The following BARX2 variants were observed in gnomAD, a reference collection of about 807,000 sequenced individuals.
BARX2 encodes BARX homeobox 2.
A neutral mutation model predicts 25.5 loss-of-function variants in BARX2; 11 were observed. The observed-to-expected ratio is 0.43, with a 90% CI of 0.27 to 0.71. The LOEUF (loss-of-function observed/expected upper bound fraction) is 0.71, where lower values mean the gene tolerates loss of function less well. BARX2 is among the 30% of genes least tolerant of loss of function. The pLI is 0.19. For missense variants in BARX2, 360 were observed against 359.9 expected (o/e 1.00, Z 0.00); for synonymous variants, 137 against 149.5 (o/e 0.92, Z 0.61).
rs1171304909 is a variant in BARX2, at chr11:129,451,379, T to G, written c.817T>G (p.Ser273Ala). ...GCCCCAGGAGTTGCCAATACCCTCT[T>G]CGGAACCCCCACCATTAAGCTAAAG... ...DPPQELPIPS[S>A]EPPPLS Residue 273 changes from serine to alanine, a missense_variant, in exon 4 of 4, where the codon TCG (serine) becomes GCG (alanine). Physicochemically the swap from Ser to Ala is moderately conservative, Grantham distance 99. This residue lies in a region of BARX2 where 114 missense variants were observed against 109.4 expected (regional missense o/e 1.04). Transcript: ENST00000281437. The G allele has an allele frequency of 6.2e-7, 1 of 1,613,594 alleles. No homozygotes were observed. Among genetic ancestry groups the G allele is most frequent in the African/African-American group, 1.3e-5 (1 of 74,888 alleles).
intron 1 of BARX2, among the ~76,000 whole-genome samples, chr11:129,422,115 A>G (rs866446532): frequency 2.6e-5 from 4 of 151,988 alleles, no homozygotes; most frequent in Admixed American, 1.3e-4. Flanking sequence ...CCTGGCTTCA[A>G]ATGATCTCCT....
intron 1 of BARX2, among the ~76,000 whole-genome samples, chr11:129,378,563 C>CTTTTTTTTTTTTTTT (rs56804728): frequency 2.9e-4 from 32 of 111,190 alleles, no homozygotes; most frequent in African/African-American, 5.9e-4. Context: ...TTTTCTTTTT[C>CTTTTTTTTTTTTTTT]TTTTTTTTTT....
At chr11:129,417,766 T>C (rs551226690) in intron 1 of BARX2, among the ~76,000 whole-genome samples, 1 of 152,334 alleles carries the variant, frequency 6.6e-6, no homozygotes, top group South Asian at 2.1e-4. Context: ...TGTCAGATCA[T>C]AACAGTAGCC....
At chr11:129,424,856 A>C (rs1862046182) in intron 1 of BARX2, among the ~76,000 whole-genome samples, 1 of 152,188 alleles carries the variant, frequency 6.6e-6, no homozygotes, top group Non-Finnish European at 1.5e-5. Context: ...TATGAGGCAG[A>C]GGGATGGATG....
At chr11:129,391,803 T>C (rs1266228481) in intron 1 of BARX2, among the ~76,000 whole-genome samples, 1 of 152,194 alleles carries the variant, frequency 6.6e-6, no homozygotes, top group East Asian at 1.9e-4. Context: ...TTTGGGACTT[T>C]CTCTTTGCTG....
At chr11:129,438,368 G>T in intron 2 of BARX2, 1 of 148,280 alleles carries the variant, frequency 6.7e-6, no homozygotes, top group Non-Finnish European at 1.5e-5. Context: ...GTCTCATCTT[G>T]TTCTTTCAGA....
At chr11:129,431,902 G>T (rs1862133509) in intron 1 of BARX2, among the ~76,000 whole-genome samples, 1 of 151,654 alleles carries the variant, frequency 6.6e-6, no homozygotes, top group Non-Finnish European at 1.5e-5. Context: ...AATTTTATAG[G>T]TTTGTGTTTC....
chr11:129,402,896 T>G (rs11221702), intron 1 of BARX2, among the ~76,000 whole-genome samples: 55,976 of 152,112 alleles, frequency 0.37, 13,262 homozygotes, highest in African/African-American at 0.67. Context: ...AAGTCTATCA[T>G]AACATAAGAC....
chr11:129,401,729 G>A (rs1467088167), intron 1 of BARX2, among the ~76,000 whole-genome samples: 1 of 152,146 alleles, frequency 6.6e-6, no homozygotes, highest in Non-Finnish European at 1.5e-5. Flanking sequence ...GCTGAGGCGG[G>A]CAGATCACTT....
intron 1 of BARX2, among the ~76,000 whole-genome samples, chr11:129,424,144 A>C (rs977344891): frequency 6.6e-6 from 1 of 152,196 alleles, no homozygotes; most frequent in Non-Finnish European, 1.5e-5. Flanking sequence ...CACTGCGCCC[A>C]GTCCATCCTC....
intron 1 of BARX2, among the ~76,000 whole-genome samples, chr11:129,404,703 G>C (rs1285516100): frequency 3.3e-5 from 5 of 152,330 alleles, no homozygotes; most frequent in African/African-American, 9.6e-5. Flanking sequence ...TTCCCAGGAA[G>C]ACACAAAGCC....
chr11:129,442,735 T>C (rs763790893), intron 2 of BARX2, 100 bp from the exon 3 acceptor site: 2 of 1,034,902 alleles, frequency 1.9e-6, no homozygotes, highest in South Asian at 2.5e-5. Flanking sequence ...CGAGCCTTGG[T>C]AGCCAGTGCT....
intron 1 of BARX2, among the ~76,000 whole-genome samples, chr11:129,412,843 A>T (rs569328779): frequency 3.3e-5 from 5 of 152,338 alleles, no homozygotes; most frequent in Admixed American, 6.5e-5. Flanking sequence ...TTGAGTGCCA[A>T]TGATGTGTCT....
intron 3 of BARX2, among the ~76,000 whole-genome samples, chr11:129,448,757 C>T (rs932169845): frequency 6.6e-6 from 1 of 152,208 alleles, no homozygotes; most frequent in African/African-American, 2.4e-5. Context: ...AATTTCACTT[C>T]TTTCCCATGT....
At chr11:129,417,112 A>G (rs529539641) in intron 1 of BARX2, among the ~76,000 whole-genome samples, 1 of 152,214 alleles carries the variant, frequency 6.6e-6, no homozygotes, top group Admixed American at 6.5e-5. Context: ...TGTGTTAGCC[A>G]GGATGGTCTC....
At chr11:129,391,055 T>C (rs1861660849) in intron 1 of BARX2, among the ~76,000 whole-genome samples, 2 of 152,134 alleles carry the variant, frequency 1.3e-5, no homozygotes, top group Admixed American at 1.3e-4. Flanking sequence ...CTCCCCAGTA[T>C]GTTGGGGAGC....
chr11:129,410,584 A>C (rs1861876195), intron 1 of BARX2, among the ~76,000 whole-genome samples: 1 of 152,148 alleles, frequency 6.6e-6, no homozygotes, highest in Non-Finnish European at 1.5e-5. Flanking sequence ...GTGTACATGA[A>C]TGAATATGTG....
intron 1 of BARX2, among the ~76,000 whole-genome samples, chr11:129,408,020 CAAA>C (rs59310534): frequency 0.015 from 716 of 46,390 alleles, 6 homozygotes; most frequent in African/African-American, 0.053. Flanking sequence ...GACTCCGTCT[CAAA>C]AAAAAAAAAA....
chr11:129,412,392 G>A (rs889596332), intron 1 of BARX2, among the ~76,000 whole-genome samples: 2 of 152,168 alleles, frequency 1.3e-5, no homozygotes, highest in African/African-American at 4.8e-5. Context: ...CCCCAAATTG[G>A]GACTAAGCCT....
Sources: gnomAD v4.1 joint callset for allele counts (sites outside exome capture counted in the v4.1 genomes callset) on GRCh38, gnomAD v4.1.1 for gene constraint, gnomAD v4.1.1 regional missense constraint, MANE v1.5 for transcripts, NCBI Gene and HGNC (gene_info 2026-07-23, HGNC 2026-07-21) for gene names.